Variants in RNF216 observed in about 807,000 individuals in gnomAD.
The protein encoded by RNF216 is ring finger protein 216.
Under a neutral mutation model 110.8 loss-of-function variants are expected in RNF216, and 72 were observed. The observed-to-expected ratio is 0.65, with a 90% CI of 0.54 to 0.79. The LOEUF (loss-of-function observed/expected upper bound fraction) is 0.79, where lower values mean the gene tolerates loss of function less well. Ranked by LOEUF, RNF216 falls within the 30% of genes least tolerant of loss-of-function variation. The probability of loss-of-function intolerance (pLI) is 0.00; values close to 1 mark genes in which losing one functional copy is unlikely to be tolerated. For missense variants in RNF216, 1,342 were observed against 1,141.2 expected, an observed-to-expected ratio of 1.18 and a Z score of -2.54; for synonymous variants, 495 against 407.5, an observed-to-expected ratio of 1.21 and a Z score of -2.59.
chr7:5,651,170 C>T (rs1265803690), intron 14 of RNF216, among the ~76,000 whole-genome samples: 1 of 151,894 alleles, frequency 6.6e-6, no homozygotes, highest in Non-Finnish European at 1.5e-5. Flanking sequence ...AATCTAGTTA[C>T]AATCATGCAG....
intron 13 of RNF216, among the ~76,000 whole-genome samples, chr7:5,655,205 T>C (rs934606126): frequency 9.2e-5 from 14 of 152,210 alleles, no homozygotes; most frequent in East Asian, 5.8e-4. Context: ...TGAGGGCCAC[T>C]GTGAGGCCCT....
intron 13 of RNF216, among the ~76,000 whole-genome samples, chr7:5,663,722 A>G (rs986923681): frequency 2.1e-5 from 3 of 140,332 alleles, no homozygotes; most frequent in Non-Finnish European, 1.5e-5. Context: ...AACATAGTGA[A>G]CCCTGTCTCT....
intron 5 of RNF216, among the ~76,000 whole-genome samples, chr7:5,736,679 G>A (rs772296161): frequency 4.7e-5 from 7 of 150,096 alleles, no homozygotes; most frequent in Admixed American, 2.7e-4. Flanking sequence ...AGTGAGGAGC[G>A]TCTCTGCCGG....
At chr7:5,638,505 T>C (rs1037787045) in intron 15 of RNF216, among the ~76,000 whole-genome samples, 3 of 152,202 alleles carry the variant, frequency 2.0e-5, no homozygotes, top group African/African-American at 7.2e-5. Flanking sequence ...AATTACAGTG[T>C]AGCAGATGCC....
intron 13 of RNF216, among the ~76,000 whole-genome samples, chr7:5,683,314 G>C (rs1489272259): frequency 6.6e-6 from 1 of 152,016 alleles, no homozygotes; most frequent in Non-Finnish European, 1.5e-5. Flanking sequence ...TATTTTTAAA[G>C]AGACAGGGTC....
chr7:5,778,203 T>TC (rs1022304996), intron 1 of RNF216, among the ~76,000 whole-genome samples: 14 of 152,080 alleles, frequency 9.2e-5, no homozygotes, highest in East Asian at 5.8e-4. Context: ...TCATACCTTT[T>TC]CCCCCCGCAT....
intron 7 of RNF216, among the ~76,000 whole-genome samples, chr7:5,727,803 G>A (rs1793850585): frequency 1.3e-5 from 2 of 151,748 alleles, no homozygotes; most frequent in Non-Finnish European, 2.9e-5. Context: ...CTTCCTGTCT[G>A]CCTGCCTCCT....
intron 1 of RNF216, chr7:5,766,967 A>C (rs553526299): frequency 2.0e-5 from 3 of 152,360 alleles, no homozygotes; most frequent in Admixed American, 1.3e-4. Flanking sequence ...ATTACAAGCC[A>C]AAATGAGGAT....
intron 13 of RNF216, among the ~76,000 whole-genome samples, chr7:5,690,895 T>C (rs1791294339): frequency 1.3e-5 from 2 of 152,222 alleles, no homozygotes; most frequent in African/African-American, 4.8e-5. Context: ...ACATTCATCA[T>C]GGAATTGCGA....
At chr7:5,728,873 G>T (rs1385862883) in intron 7 of RNF216, among the ~76,000 whole-genome samples, 1 of 152,212 alleles carries the variant, frequency 6.6e-6, no homozygotes, top group Admixed American at 6.5e-5. Flanking sequence ...CTACAAAGCA[G>T]GCACTGTGTG....
intron 2 of RNF216, among the ~76,000 whole-genome samples, chr7:5,759,627 T>TTCC (rs1795825067): frequency 9.1e-5 from 1 of 10,986 alleles, no homozygotes; most frequent in Non-Finnish European, 2.1e-4. Context: ...TGGAGTCATT[T>TTCC]TTCTTCTTTT....
chr7:5,621,784 A>G lies in RNF216; in HGVS notation c.*1076T>C, dbSNP rs1786380961. 2 of 152,706 alleles carry G rather than the reference A, an allele frequency of 1.3e-5. No individual in the cohort carries two copies. The highest frequency in any genetic ancestry group is 1.9e-4 in the East Asian group (1 of 5,208). The allele number at this position is 152,706 out of a possible 1,614,324, so 9.5% of individuals were successfully genotyped here. A position where few individuals can be genotyped will look rare whatever the true frequency, so the allele number is the denominator to read the frequency against. On this transcript the variant is annotated 3_prime_UTR_variant, in exon 17 of 17. Coordinates refer to ENST00000389902, the MANE Select transcript of RNF216 (RefSeq NM_207111.4). Reference sequence around the variant, plus strand: ...CCAGAGTGATGCCTCAGGCACCGCTAGAAACCCAGGGCCGGACAGGAGGCG... The same window carrying G: ...CCAGAGTGATGCCTCAGGCACCGCTGGAAACCCAGGGCCGGACAGGAGGCG...
intron 1 of RNF216, among the ~76,000 whole-genome samples, chr7:5,761,785 CAAA>C (rs1199654099): frequency 3.4e-5 from 3 of 87,244 alleles, no homozygotes; most frequent in African/African-American, 4.4e-5. Flanking sequence ...GACTCCGTCA[CAAA>C]AAAAAAAAAA....
intron 10 of RNF216, 80 bp downstream of exon 10, chr7:5,716,636 T>A (rs748799448): frequency 2.5e-6 from 3 of 1,208,806 alleles, no homozygotes; most frequent in East Asian, 4.8e-5. Flanking sequence ...AAATTTGCCA[T>A]CAAAAATGCT....
At chr7:5,654,923 G>A (rs1395638122) in intron 13 of RNF216, among the ~76,000 whole-genome samples, 1 of 152,064 alleles carries the variant, frequency 6.6e-6, no homozygotes, top group African/African-American at 2.4e-5. Context: ...CAAACCCTGT[G>A]CCTGACTATT....
chr7:5,775,737 C>T (rs943071624), intron 1 of RNF216, among the ~76,000 whole-genome samples: 1 of 151,962 alleles, frequency 6.6e-6, no homozygotes, highest in Non-Finnish European at 1.5e-5. Context: ...GGCGTGGTTG[C>T]AGGCACCTGT....
chr7:5,691,053 C>A (rs1040085580), intron 13 of RNF216, among the ~76,000 whole-genome samples: 1 of 152,216 alleles, frequency 6.6e-6, no homozygotes, highest in Non-Finnish European at 1.5e-5. Context: ...CCAGCTCACA[C>A]AGCCGTGCAA....
intron 6 of RNF216, 106 bp from the exon 7 acceptor site, chr7:5,729,702 A>T: frequency 2.0e-6 from 2 of 1,007,770 alleles, no homozygotes; most frequent in Non-Finnish European, 2.9e-6. Flanking sequence ...CATTTGTTCT[A>T]ATTACTCTAT....
intron 13 of RNF216, among the ~76,000 whole-genome samples, chr7:5,710,669 C>T (rs574835290): frequency 1.3e-5 from 2 of 152,322 alleles, no homozygotes; most frequent in Admixed American, 6.5e-5. Flanking sequence ...CCTTCACACT[C>T]CTAGCACCAG....
Sources: allele counts gnomAD v4.1 joint callset (sites outside exome capture counted in the v4.1 genomes callset), GRCh38; gene constraint gnomAD v4.1.1; transcripts MANE v1.5; gene names NCBI Gene and HGNC (gene_info 2026-07-23, HGNC 2026-07-21).